Variants in PRKAB1 observed in about 807,000 individuals in gnomAD.
PRKAB1 encodes the protein protein kinase AMP-activated non-catalytic subunit beta 1, also known as 5'-AMP-activated protein kinase subunit beta-1.
In PRKAB1, 18 loss-of-function variants were observed where a neutral mutation model predicts 32.0. The observed-to-expected ratio is 0.56, with a 90% CI of 0.39 to 0.83. The LOEUF is 0.83. Among genes scored for constraint, PRKAB1 ranks in the 40% least tolerant of loss-of-function variants. The probability of loss-of-function intolerance (pLI) is 0.00; values close to 1 mark genes in which losing one functional copy is unlikely to be tolerated. For missense variants in PRKAB1, 263 were observed against 352.6 expected (o/e 0.75, Z 2.03); for synonymous variants, 141 against 141.4 (o/e 1.00, Z 0.02).
rs766934028 is a variant in PRKAB1 at position 119,681,438 on chromosome 12, T to C, written c.*1113T>C. Reference sequence around the variant, plus strand: ...ATGTACCCACTAGCCCAGGTTGCTGTGAGTCAGCGGAAGCTCCCGTTATGC... The same window carrying C: ...ATGTACCCACTAGCCCAGGTTGCTGCGAGTCAGCGGAAGCTCCCGTTATGC... On this transcript the variant is annotated 3_prime_UTR_variant, in exon 7 of 7. Coordinates refer to ENST00000229328, the MANE Select transcript of PRKAB1 (RefSeq NM_006253.5). 1 of 152,338 alleles carries C rather than the reference T, an allele frequency of 6.6e-6. No individual in the cohort carries two copies. The highest frequency in any genetic ancestry group is 1.5e-5 in the Non-Finnish European group (1 of 68,038). 9.4% of individuals were successfully genotyped at this position (152,338 alleles called of 1,614,324 possible).
intron 4 of PRKAB1, among the ~76,000 whole-genome samples, chr12:119,676,261 G>T (rs1955424943): frequency 6.6e-6 from 1 of 152,138 alleles, no homozygotes; most frequent in Non-Finnish European, 1.5e-5. Flanking sequence ...ATCGAGAATA[G>T]CCTCCTTGTG....
Position 119,679,969 on chromosome 12 carries a change from A to C in PRKAB1, c.703A>C (p.Met235Leu). ...PALLPEPNHV[M>L]LNHLYALSIK... The stretch of plus-strand genomic sequence containing the variant: ...TTTGCTTCCTGAGCCCAATCACGTC[A>C]TGCTGAACCACCTATACGCGCTGTC... Residue 235 changes from methionine (M) to leucine (L), a missense_variant, in exon 6 of 7, where the codon ATG becomes CTG. By Grantham distance (15) the Met-to-Leu change is conservative. Transcript: ENST00000229328. The surrounding 1 kb of genome is among the most constrained non-coding windows in gnomAD (Gnocchi z 4.1). The C allele has an allele frequency of 6.2e-7, 1 of 1,614,100 alleles. No individual in the cohort carries two copies. The highest frequency in any genetic ancestry group is 8.5e-7 in the Non-Finnish European group (1 of 1,179,954).
At chr12:119,676,459 AGAT>A in intron 4 of PRKAB1, 75 bp from the exon 5 acceptor site, 1 of 1,425,012 alleles carries the variant, frequency 7.0e-7, no homozygotes. Flanking sequence ...AAGGAAAATG[AGAT>A]GATGACAACA....
intron 1 of PRKAB1, chr12:119,669,983 C>G (rs924605037): frequency 6.6e-6 from 1 of 152,252 alleles, no homozygotes; most frequent in Non-Finnish European, 1.5e-5. Flanking sequence ...CTGAACTTCT[C>G]TCTAGTGTTG....
At position 119,676,489 on chromosome 12, in the gene PRKAB1, T is replaced by A. The variant is rs185521582; in HGVS notation, c.533-48T>A. The A allele has an allele frequency of 2.1e-5, 32 of 1,533,814 alleles. No homozygotes were observed. The African/African-American group carries it at 4.3e-4, about 20-fold the overall frequency. On this transcript the variant is annotated intron_variant, in intron 4 of 6. Transcript: ENST00000229328. ...ATGACAACATAAGTAAGGCTGCTCC[T>A]AGAATGCCTGATTTTCAAAGTAAAG...
chr12:119,668,241 C>A lies in PRKAB1; in HGVS notation c.-4C>A. The A allele has an allele frequency of 6.3e-7, 1 of 1,585,310 alleles. No individual in the cohort carries two copies. Among genetic ancestry groups the A allele is most frequent in the Non-Finnish European group, 8.5e-7 (1 of 1,169,808 alleles). ...CCTTCCCTGTGTCCCCGCAGACCCC[C>A]ATCATGGGCAATACCAGCAGTGAGC... On this transcript the variant is annotated 5_prime_UTR_variant, in exon 1 of 7. Transcript: ENST00000229328.
intron 5 of PRKAB1, among the ~76,000 whole-genome samples, 190 bp downstream of exon 5, chr12:119,676,860 T>C (rs1472634456): frequency 6.6e-6 from 1 of 152,240 alleles, no homozygotes; most frequent in African/African-American, 2.4e-5. Flanking sequence ...CACCGCTGCC[T>C]CGTCTTGCAA....
At position 119,674,985 on chromosome 12, in the gene PRKAB1, G is replaced by A. The variant is rs1479401231; in HGVS notation, c.532+531G>A. Reference sequence around the variant, plus strand: ...AACTCTCCTTGATGGGAAGCTATTTGGTACAGAAATACAGACCCAGTAAAA... The same window carrying A: ...AACTCTCCTTGATGGGAAGCTATTTAGTACAGAAATACAGACCCAGTAAAA... On this transcript the variant is annotated intron_variant, in intron 4 of 6. Transcript: ENST00000229328. This position sits in a 1 kb window ranked among gnomAD's most constrained non-coding sequence, Gnocchi z 4.3. 1.3e-5 allele frequency among the ~76,000 whole-genome samples: 2 copies of A among 152,220 alleles called. No homozygotes were observed. Among genetic ancestry groups the A allele is most frequent in the East Asian group, 3.8e-4 (2 of 5,200 alleles).
At chr12:119,677,407 C>G (rs1955433256) in intron 5 of PRKAB1, 1 of 152,304 alleles carries the variant, frequency 6.6e-6, no homozygotes, top group Non-Finnish European at 1.5e-5. Context: ...CTACAGTGGT[C>G]CCTGCCGGGC....
In PRKAB1 at chr12:119,680,490, C is replaced by T. The variant is rs1955457012; in HGVS notation, c.*165C>T. 1.4e-6 allele frequency: 1 copy of T among 709,636 alleles called. No individual in the cohort carries two copies. The highest frequency in any genetic ancestry group is 1.8e-5 in the African/African-American group (1 of 56,656). The allele number at this position is 709,636 out of a possible 1,614,324, so 44.0% of individuals were successfully genotyped here. A position where few individuals can be genotyped will look rare whatever the true frequency, so the allele number is the denominator to read the frequency against. ...TTGAAGGTTTGTCCAGGCAGAGCAG[C>T]TCCTGCAGCGCCTCGGTCTGTGACA... is the stretch of plus-strand genomic sequence containing the variant. On this transcript the variant is annotated 3_prime_UTR_variant, in exon 7 of 7. Transcript: ENST00000229328.
At position 119,680,011 on chromosome 12, in the gene PRKAB1, T is replaced by C. The variant is rs1404331144; in HGVS notation, c.735+10T>C. ...CGCGCTGTCTATCAAGGTAATGACATGTCTGTCCCCATGAGAGCTGTGTTG... is the reference window on the plus strand; with the variant it reads ...CGCGCTGTCTATCAAGGTAATGACACGTCTGTCCCCATGAGAGCTGTGTTG... On this transcript the variant is annotated intron_variant, in intron 6 of 6. Transcript: ENST00000229328. The C allele has an allele frequency of 2.5e-6, 4 of 1,610,436 alleles. No individual in the cohort carries two copies. In the East Asian group the frequency reaches 8.9e-5, roughly 36 times the overall value.
Position 119,680,248 on chromosome 12 carries a change from G to A in PRKAB1, c.736G>A (p.Asp246Asn). The A allele has an allele frequency of 2.5e-6, 4 of 1,613,794 alleles. No homozygotes were observed. The highest frequency in any genetic ancestry group is 3.4e-6 in the Non-Finnish European group (4 of 1,179,736). ...LNHLYALSIK[D>N]GVMVLSATHR... ...TGATCATTTCCACCTTGTTCCTTAGGATGGAGTGATGGTGCTCAGCGCAAC... is the reference window on the plus strand; with the variant it reads ...TGATCATTTCCACCTTGTTCCTTAGAATGGAGTGATGGTGCTCAGCGCAAC... Residue 246 changes from aspartate to asparagine, a missense_variant and splice_region_variant, in exon 7 of 7, where the codon GAT becomes AAT. Coordinates refer to ENST00000229328, the MANE Select transcript of PRKAB1 (RefSeq NM_006253.5).
intron 4 of PRKAB1, among the ~76,000 whole-genome samples, chr12:119,675,487 G>A (rs748698497): frequency 6.6e-6 from 1 of 152,200 alleles, no homozygotes; most frequent in African/African-American, 2.4e-5. Context: ...TGGAGGAAGT[G>A]TGCCCAAATA....
chr12:119,668,191 C>T lies in PRKAB1; in HGVS notation c.-54C>T, dbSNP rs1354998981. ...TCCGGGAGTCCCTTGCTCAGGGTCC[C>T]TTTCCTGCAGTGAGGCGCCGTCCGC... On this transcript the variant is annotated 5_prime_UTR_variant, in exon 1 of 7. Transcript: ENST00000229328. The T allele has an allele frequency of 1.7e-5, 26 of 1,491,104 alleles. No individual in the cohort carries two copies. The highest frequency in any genetic ancestry group is 2.6e-5 in the East Asian group (1 of 38,684). 92.4% of individuals were successfully genotyped at this position (1,491,104 alleles called of 1,614,324 possible). A position where few individuals can be genotyped will look rare whatever the true frequency, so the allele number is the denominator to read the frequency against.
In PRKAB1 at chr12:119,680,827, T is replaced by C. The variant is rs1955459459; in HGVS notation, c.*502T>C. On this transcript the variant is annotated 3_prime_UTR_variant, in exon 7 of 7. Transcript: ENST00000229328. ...TGTTGGTCTTGCCTGTCCTTCAAAA[T>C]CAACAACAGATTGTCTCTCGGCTCC... 1 of 153,722 alleles carries C rather than the reference T, an allele frequency of 6.5e-6. No individual in the cohort carries two copies. Among genetic ancestry groups the C allele is most frequent in the African/African-American group, 2.4e-5 (1 of 41,462 alleles). 9.5% of individuals were successfully genotyped at this position (153,722 alleles called of 1,614,324 possible).
chr12:119,671,475 TA>T (rs1333629407), intron 1 of PRKAB1: 2 of 419,694 alleles, frequency 4.8e-6, no homozygotes, highest in East Asian at 7.8e-5. Context: ...ACAATCATGG[TA>T]AAAGGCACCT....
chr12:119,679,821 A>G lies in PRKAB1; in HGVS notation c.667-112A>G, dbSNP rs1565877571. 2.6e-6 allele frequency: 3 copies of G among 1,145,848 alleles called. No individual in the cohort carries two copies. Among genetic ancestry groups the G allele is most frequent in the Admixed American group, 1.7e-5 (1 of 57,416 alleles). 71.0% of individuals were successfully genotyped at this position (1,145,848 alleles called of 1,614,324 possible). A position where few individuals can be genotyped will look rare whatever the true frequency, so the allele number is the denominator to read the frequency against. ...CTTGCGCTGCCTGATTTGGGAAGAG[A>G]GGTCGGCCTGAGCGCTGCCTCCTGT... On this transcript the variant is annotated intron_variant, in intron 5 of 6. Transcript: ENST00000229328. This position sits in a 1 kb window ranked among gnomAD's most constrained non-coding sequence, Gnocchi z 4.1.
chr12:119,675,161 G>C (rs957104826), intron 4 of PRKAB1, among the ~76,000 whole-genome samples: 1 of 152,214 alleles, frequency 6.6e-6, no homozygotes, highest in Non-Finnish European at 1.5e-5. Flanking sequence ...TTGGAGGCGG[G>C]GGCTTAACAA....
At chr12:119,675,482 G>T (rs1392128568) in intron 4 of PRKAB1, among the ~76,000 whole-genome samples, 2 of 152,166 alleles carry the variant, frequency 1.3e-5, no homozygotes, top group Non-Finnish European at 2.9e-5. Flanking sequence ...GGGAATGGAG[G>T]AAGTGTGCCC....
Sources: gnomAD v4.1 joint callset for allele counts (sites outside exome capture counted in the v4.1 genomes callset) on GRCh38, gnomAD v4.1.1 for gene constraint, Gnocchi (gnomAD v3.1) non-coding constraint, MANE v1.5 for transcripts, NCBI Gene and HGNC (gene_info 2026-07-23, HGNC 2026-07-21) for gene names.